PRDM16: variants seen among roughly 807,000 people sequenced by gnomAD.
PRDM16 encodes the protein histone-lysine N-methyltransferase PRDM16.
A neutral mutation model predicts 110.6 loss-of-function variants in PRDM16; 23 were observed. The ratio of observed to expected loss-of-function variants is 0.21; its 90% confidence interval spans 0.15 to 0.29. The LOEUF (loss-of-function observed/expected upper bound fraction) is 0.29. Ranked by LOEUF, PRDM16 falls within the 10% of genes least tolerant of loss-of-function variation. The probability of loss-of-function intolerance (pLI) is 1.00; values close to 1 mark genes in which losing one functional copy is unlikely to be tolerated. For synonymous variants in PRDM16, 799 were observed against 781.8 expected (o/e 1.02, Z -0.37); for missense variants, 1,615 against 1,794.3 (o/e 0.90, Z 1.81).
chr1:3,194,428 G>A (rs1013193863), intron 2 of PRDM16, among the ~76,000 whole-genome samples: 14 of 152,078 alleles, frequency 9.2e-5, no homozygotes, highest in Non-Finnish European at 1.5e-4. Context: ...ACCCTATTAC[G>A]CCTTATCCTT....
rs1225563380 is a variant in PRDM16 at position 3,350,349 on chromosome 1, G to A, written c.439-34803G>A. Among the ~76,000 whole-genome samples the A allele has an allele frequency of 6.6e-6, 1 of 152,084 alleles. No homozygotes were observed. Among genetic ancestry groups the A allele is most frequent in the Non-Finnish European group, 1.5e-5 (1 of 68,002 alleles). On this transcript the variant is annotated intron_variant, in intron 3 of 16. Coordinates refer to ENST00000270722, the MANE Select transcript of PRDM16 (RefSeq NM_022114.4). This position sits in a 1 kb window ranked among gnomAD's most constrained non-coding sequence, Gnocchi z 7.1. The stretch of plus-strand genomic sequence containing the variant: ...TCAAAAAAATGAAAAGAAAAGATCT[G>A]GAAGTGGGAGGGGAGGCGGCTCTCT...
In PRDM16 at chr1:3,370,392, G is replaced by A. The variant is rs753056864; in HGVS notation, c.439-14760G>A. On this transcript the variant is annotated intron_variant, in intron 3 of 16. Transcript: ENST00000270722. This position sits in a 1 kb window ranked among gnomAD's most constrained non-coding sequence, Gnocchi z 4.8. The stretch of plus-strand genomic sequence containing the variant: ...GGATGAAGACAGACCCCTGGGAAAC[G>A]GAGGCATAGGGAGTGCTGGCTGACA... Among the ~76,000 whole-genome samples, 16 of 152,172 alleles carry A rather than the reference G, an allele frequency of 1.1e-4. No individual in the cohort carries two copies. Among genetic ancestry groups the A allele is most frequent in the Admixed American group, 3.9e-4 (6 of 15,280 alleles).
chr1:3,330,601 C>T (rs749891430), intron 3 of PRDM16, among the ~76,000 whole-genome samples: 28 of 152,324 alleles, frequency 1.8e-4, no homozygotes, highest in Middle Eastern at 3.4e-3. Context: ...ATCCTGGGGT[C>T]TCAGACACAC....
At chr1:3,324,552 G>A (rs57675406) in intron 3 of PRDM16, among the ~76,000 whole-genome samples, 14,961 of 152,104 alleles carry the variant, frequency 0.098, 1,145 homozygotes, top group African/African-American at 0.21. Context: ...AAGCCAGCAG[G>A]TTCCCCTGTG....
At chr1:3,295,383 G>A (rs1641064384) in intron 3 of PRDM16, among the ~76,000 whole-genome samples, 1 of 151,020 alleles carries the variant, frequency 6.6e-6, no homozygotes, top group South Asian at 2.1e-4. Flanking sequence ...TCCTCACCGC[G>A]GCTGGTCCCT....
At position 3,290,350 on chromosome 1, in the gene PRDM16, A is replaced by G. The variant is rs1570003493; in HGVS notation, c.438+46213A>G. On this transcript the variant is annotated intron_variant, in intron 3 of 16. Coordinates refer to ENST00000270722, the MANE Select transcript of PRDM16 (RefSeq NM_022114.4). The surrounding 1 kb of genome is among the most constrained non-coding windows in gnomAD (Gnocchi z 4.8). Reference sequence around the variant, plus strand: ...CCATGCTCAAAATGGCTGGAAGAGGAGAGCCTCTCAGTATCCCCACCTTAT... The same window carrying G: ...CCATGCTCAAAATGGCTGGAAGAGGGGAGCCTCTCAGTATCCCCACCTTAT... Among the ~76,000 whole-genome samples, 1 of 152,152 alleles carries G rather than the reference A, an allele frequency of 6.6e-6. No individual in the cohort carries two copies. Among genetic ancestry groups the G allele is most frequent in the Non-Finnish European group, 1.5e-5 (1 of 68,018 alleles).
At chr1:3,428,093 G>A (rs1442047023) in intron 14 of PRDM16, among the ~76,000 whole-genome samples, 1 of 152,166 alleles carries the variant, frequency 6.6e-6, no homozygotes, top group Non-Finnish European at 1.5e-5. Context: ...GGTGGGCCCA[G>A]GACCAGGAGC....
chr1:3,120,733 C>T (rs576233278), intron 1 of PRDM16, among the ~76,000 whole-genome samples: 9 of 152,254 alleles, frequency 5.9e-5, no homozygotes, highest in Admixed American at 3.9e-4. Flanking sequence ...GGTCTGGAAG[C>T]GGTGGGCCTC....
rs1405486819 is a variant in PRDM16 at position 3,433,828 on chromosome 1, G to C, written c.*17G>C. On this transcript the variant is annotated 3_prime_UTR_variant, in exon 17 of 17. Coordinates refer to ENST00000270722, the MANE Select transcript of PRDM16 (RefSeq NM_022114.4). ...CACCTCTGACGGGCTGGGCAGCCGG[G>C]GGCCGGTGGCCAGAGCGAGGGCACC... The C allele has an allele frequency of 6.2e-7, 1 of 1,611,600 alleles. No individual in the cohort carries two copies. Among genetic ancestry groups the C allele is most frequent in the Admixed American group, 1.7e-5 (1 of 60,010 alleles).
chr1:3,410,472 G>T (rs1214531783), intron 8 of PRDM16, among the ~76,000 whole-genome samples: 2 of 152,172 alleles, frequency 1.3e-5, no homozygotes, highest in East Asian at 1.9e-4. Flanking sequence ...CCTGCCCGGG[G>T]TGACCTCCTA....
intron 1 of PRDM16, among the ~76,000 whole-genome samples, chr1:3,176,062 A>ATCCAT (rs1644082618): frequency 1.3e-4 from 3 of 23,800 alleles, no homozygotes; most frequent in Non-Finnish European, 3.0e-4. Context: ...CATCCATCCA[A>ATCCAT]CCATCCATCC....
intron 8 of PRDM16, among the ~76,000 whole-genome samples, chr1:3,407,377 A>C (rs1179489212): frequency 1.3e-5 from 2 of 152,196 alleles, no homozygotes; most frequent in Non-Finnish European, 2.9e-5. Context: ...CGGCCGTTCC[A>C]CAAGTACTGT....
intron 3 of PRDM16, among the ~76,000 whole-genome samples, chr1:3,275,690 C>T (rs533893062): frequency 1.3e-5 from 2 of 152,246 alleles, no homozygotes; most frequent in Admixed American, 6.5e-5. Flanking sequence ...CAGGAGAGAC[C>T]GGGCAGGGCT....
intron 3 of PRDM16, among the ~76,000 whole-genome samples, chr1:3,281,938 G>A (rs1395669988): frequency 2.0e-5 from 3 of 152,316 alleles, no homozygotes; most frequent in South Asian, 2.1e-4. Flanking sequence ...CAAGGTGGGC[G>A]CCCGCAGCCC....
chr1:3,146,730 G>A (rs1449733926), intron 1 of PRDM16, among the ~76,000 whole-genome samples: 2 of 142,818 alleles, frequency 1.4e-5, no homozygotes, highest in African/African-American at 5.3e-5. Context: ...TGCTCGGTGT[G>A]GGTTGTGTGA....
At chr1:3,369,884 G>T (rs1186798337) in intron 3 of PRDM16, among the ~76,000 whole-genome samples, 1 of 152,206 alleles carries the variant, frequency 6.6e-6, no homozygotes, top group Non-Finnish European at 1.5e-5. Context: ...ATAGGGATTG[G>T]CAAGGTATTT....
intron 2 of PRDM16, among the ~76,000 whole-genome samples, chr1:3,212,101 T>A (rs1285452794): frequency 6.6e-6 from 1 of 152,146 alleles, no homozygotes; most frequent in Non-Finnish European, 1.5e-5. Flanking sequence ...TGCACTCCAT[T>A]CACCGGCTCG....
chr1:3,125,587 A>G (rs1643187685), intron 1 of PRDM16, among the ~76,000 whole-genome samples: 1 of 152,236 alleles, frequency 6.6e-6, no homozygotes. Context: ...CTGGAGGAGC[A>G]ATGAGTTAGG....
intron 3 of PRDM16, among the ~76,000 whole-genome samples, chr1:3,356,609 C>T (rs775705460): frequency 1.5e-4 from 23 of 152,214 alleles, no homozygotes; most frequent in Non-Finnish European, 2.8e-4. Flanking sequence ...TGTGTCTGGA[C>T]GCTGTTCTAA....
Sources: gnomAD v4.1 joint callset for allele counts (sites outside exome capture counted in the v4.1 genomes callset) on GRCh38, gnomAD v4.1.1 for gene constraint, Gnocchi (gnomAD v3.1) non-coding constraint, MANE v1.5 for transcripts, NCBI Gene and HGNC (gene_info 2026-07-23, HGNC 2026-07-21) for gene names.